Variants in SNTG1 observed in about 807,000 individuals in gnomAD.
SNTG1 encodes the protein gamma-1-syntrophin.
SNTG1 carries 39 observed loss-of-function variants against 74.7 expected under a neutral mutation model. The observed-to-expected ratio is 0.52, with a 90% CI of 0.40 to 0.68. The LOEUF is 0.68. SNTG1 is among the 30% of genes least tolerant of loss of function. The pLI, the probability that SNTG1 is intolerant of heterozygous loss-of-function variation, is 0.00. For missense variants in SNTG1, 685 were observed against 609.5 expected (o/e 1.12, Z -1.30); for synonymous variants, 254 against 217.1 (o/e 1.17, Z -1.49).
intron 15 of SNTG1, among the ~76,000 whole-genome samples, chr8:50,661,776 G>C (rs1483520991): frequency 6.6e-6 from 1 of 152,072 alleles, no homozygotes; most frequent in Non-Finnish European, 1.5e-5. Flanking sequence ...AGTGAGGCCT[G>C]GCGATAAGTA....
rs536932551 is a variant in SNTG1 at position 50,708,615 on chromosome 8, A to T, written c.1192-271A>T. 6 of 360,250 alleles carry T rather than the reference A, an allele frequency of 1.7e-5. No homozygotes were observed. In the South Asian group the frequency reaches 5.2e-4, roughly 31 times the overall value. 22.3% of individuals were successfully genotyped at this position (360,250 alleles called of 1,614,324 possible). On this transcript the variant is annotated intron_variant, in intron 16 of 18. Coordinates refer to ENST00000642720, the MANE Select transcript of SNTG1 (RefSeq NM_018967.5). ...TTTATTGTCAACACAGCAAAGACAG[A>T]CAGTGTAGCACAATGTACAGACAAA...
chr8:50,491,680 G>T (rs1474492373), intron 8 of SNTG1, among the ~76,000 whole-genome samples: 2 of 152,000 alleles, frequency 1.3e-5, no homozygotes, highest in Non-Finnish European at 1.5e-5. Flanking sequence ...CAAATGCTGT[G>T]CTGTGATCCA....
chr8:50,647,009 A>C (rs2095113313), intron 13 of SNTG1, among the ~76,000 whole-genome samples: 1 of 152,180 alleles, frequency 6.6e-6, no homozygotes, highest in Non-Finnish European at 1.5e-5. Context: ...CATCCACATG[A>C]GGAATAAAAA....
intron 17 of SNTG1, among the ~76,000 whole-genome samples, chr8:50,738,790 C>CAA (rs58912248): frequency 7.3e-6 from 1 of 136,820 alleles, no homozygotes. Flanking sequence ...ACAAACCTGA[C>CAA]AAAAAAAAAA....
At chr8:50,658,761 T>A in intron 15 of SNTG1, 98 bp downstream of exon 15, 4 of 739,558 alleles carry the variant, frequency 5.4e-6, no homozygotes, top group South Asian at 1.8e-5. Context: ...ATTCATGGAA[T>A]GAAAGAAGAG....
chr8:50,174,233 ACC>A (rs1463419702), intron 2 of SNTG1, among the ~76,000 whole-genome samples: 10 of 152,218 alleles, frequency 6.6e-5, no homozygotes, highest in Admixed American at 5.9e-4. Context: ...TATGCAGTCT[ACC>A]ACTGATGGAT....
At chr8:50,148,473 A>G (rs942293863) in intron 1 of SNTG1, among the ~76,000 whole-genome samples, 6 of 152,206 alleles carry the variant, frequency 3.9e-5, no homozygotes, top group African/African-American at 1.2e-4. Context: ...TTTGTTACAT[A>G]TGTATACATA....
chr8:50,123,616 A>G lies in SNTG1; in HGVS notation c.-102-48945A>G, dbSNP rs1038825199. On this transcript the variant is annotated intron_variant, in intron 1 of 18. Coordinates refer to ENST00000642720, the MANE Select transcript of SNTG1 (RefSeq NM_018967.5). ...CTATTATATGTCATTAATTCTCATA[A>G]TTTCCAAACAAAAACCCTCTTTCAG... Among the ~76,000 whole-genome samples the G allele has an allele frequency of 1.6e-4, 23 of 142,640 alleles. 5 individuals carry two copies. Among genetic ancestry groups the G allele is most frequent in the African/African-American group, 4.8e-4 (19 of 39,462 alleles). The allele number at this position is 142,640 out of a possible 152,430, so 93.6% of individuals were successfully genotyped here. A position where few individuals can be genotyped will look rare whatever the true frequency, so the allele number is the denominator to read the frequency against.
intron 15 of SNTG1, among the ~76,000 whole-genome samples, chr8:50,690,377 G>T: frequency 6.6e-6 from 1 of 151,972 alleles, no homozygotes; most frequent in Non-Finnish European, 1.5e-5. Context: ...TTTCTCTTGT[G>T]GGCATTTAGT....
intron 2 of SNTG1, among the ~76,000 whole-genome samples, chr8:50,331,437 T>C (rs2090964706): frequency 6.6e-6 from 1 of 152,102 alleles, no homozygotes; most frequent in East Asian, 1.9e-4. Flanking sequence ...GGAAAAGGCA[T>C]GGTATTTTTG....
intron 9 of SNTG1, among the ~76,000 whole-genome samples, chr8:50,517,046 A>G (rs2094139213): frequency 6.6e-6 from 1 of 152,126 alleles, no homozygotes; most frequent in African/African-American, 2.4e-5. Flanking sequence ...AGCCAGAGAG[A>G]AAGGTCGTGT....
At chr8:50,491,786 G>A (rs910151890) in intron 8 of SNTG1, among the ~76,000 whole-genome samples, 6 of 151,888 alleles carry the variant, frequency 4.0e-5, no homozygotes, top group Non-Finnish European at 4.4e-5. Context: ...TTGTTACATA[G>A]GTATACTTGT....
At chr8:50,516,651 C>T (rs1011668493) in intron 9 of SNTG1, among the ~76,000 whole-genome samples, 2 of 151,946 alleles carry the variant, frequency 1.3e-5, no homozygotes, top group Admixed American at 1.3e-4. Flanking sequence ...GAAGCATGCA[C>T]AAGTATCAAT....
intron 1 of SNTG1, among the ~76,000 whole-genome samples, chr8:49,917,892 C>A (rs532105667): frequency 6.6e-6 from 1 of 152,266 alleles, no homozygotes; most frequent in Admixed American, 6.5e-5. Flanking sequence ...CAGCTCTGCT[C>A]AGTTAGAACA....
At position 50,195,289 on chromosome 8, in the gene SNTG1, G is replaced by A. The variant is rs115500161; in HGVS notation, c.-28+22654G>A. ...CCTAAGGGCTGGTCTCACTCCCACC[G>A]TGACCCCCACAAGAACCCTGAGTCT... On this transcript the variant is annotated intron_variant, in intron 2 of 18. Transcript: ENST00000642720. Among the ~76,000 whole-genome samples, 766 of 151,950 alleles carry A rather than the reference G, an allele frequency of 5.0e-3. 12 individuals carry two copies. The highest frequency in any genetic ancestry group is 0.018 in the African/African-American group (732 of 41,446).
At chr8:50,624,001 A>G (rs1350171407) in intron 13 of SNTG1, among the ~76,000 whole-genome samples, 2 of 151,950 alleles carry the variant, frequency 1.3e-5, no homozygotes, top group Non-Finnish European at 1.5e-5. Context: ...CTATTAATGT[A>G]AATTCATTTT....
Position 50,161,946 on chromosome 8 carries a change from C to A in SNTG1, c.-102-10615C>A, listed in dbSNP as rs968542027. Among the ~76,000 whole-genome samples, 4 of 151,972 alleles carry A rather than the reference C, an allele frequency of 2.6e-5. No homozygotes were observed. In the South Asian group the frequency reaches 8.3e-4, roughly 32 times the overall value. ...ACAAGCATTCAAAATCCTTCACAAC[C>A]TGGCCGAAACTGCTTTTAGAAGAAT... is the stretch of plus-strand genomic sequence containing the variant. On this transcript the variant is annotated intron_variant, in intron 1 of 18. Coordinates refer to ENST00000642720, the MANE Select transcript of SNTG1 (RefSeq NM_018967.5).
At chr8:50,148,411 AT>A (rs1409908854) in intron 1 of SNTG1, among the ~76,000 whole-genome samples, 1 of 152,142 alleles carries the variant, frequency 6.6e-6, no homozygotes, top group Non-Finnish European at 1.5e-5. Context: ...TTATTTGTTT[AT>A]TAATTTTTTT....
chr8:50,476,826 A>G (rs1166916761), intron 8 of SNTG1, among the ~76,000 whole-genome samples: 1 of 150,042 alleles, frequency 6.7e-6, no homozygotes, highest in Non-Finnish European at 1.5e-5. Context: ...CTGGGGCAGG[A>G]CATACACAAA....
Sources: allele counts gnomAD v4.1 joint callset (sites outside exome capture counted in the v4.1 genomes callset), GRCh38; gene constraint gnomAD v4.1.1; transcripts MANE v1.5; gene names NCBI Gene and HGNC (gene_info 2026-07-23, HGNC 2026-07-21).